ST14: variants seen among roughly 807,000 people sequenced by gnomAD.
The protein encoded by ST14 is suppressor of tumorigenicity 14 protein.
A neutral mutation model predicts 96.5 loss-of-function variants in ST14; 40 were observed. The ratio of observed to expected loss-of-function variants is 0.41; its 90% CI spans 0.32 to 0.54. The LOEUF (loss-of-function observed/expected upper bound fraction) is 0.54. Ranked by LOEUF, ST14 falls within the 20% of genes least tolerant of loss-of-function variation. The pLI is 0.17. For missense variants in ST14, 1,066 were observed against 1,188.9 expected, an observed-to-expected ratio of 0.90 and a Z score of 1.52; for synonymous variants, 506 against 492.1, an observed-to-expected ratio of 1.03 and a Z score of -0.37.
At chr11:130,204,758 G>A (rs1953469952) in intron 16 of ST14, among the ~76,000 whole-genome samples, 1 of 152,122 alleles carries the variant, frequency 6.6e-6, no homozygotes, top group Admixed American at 6.6e-5. Flanking sequence ...AGGTTGTGGT[G>A]AGCCAAGATC....
chr11:130,178,821 A>C (rs1451628927), intron 1 of ST14, among the ~76,000 whole-genome samples: 1 of 152,066 alleles, frequency 6.6e-6, no homozygotes, highest in Non-Finnish European at 1.5e-5. Flanking sequence ...TCAAAGGGAA[A>C]GGTGGGCGGG....
At position 130,200,665 on chromosome 11, in the gene ST14, G is replaced by T. The variant is rs557910249; in HGVS notation, c.1994+528G>T. 4.6e-5 allele frequency among the ~76,000 whole-genome samples: 7 copies of T among 152,306 alleles called. No homozygotes were observed. The South Asian group carries it at 1.2e-3, about 27-fold the overall frequency. ...ACCAAATGAGCAGATATCCCAGGAC[G>T]GGGCTCAATAACAGTAATAATAAAA... On this transcript the variant is annotated intron_variant, in intron 16 of 18. Coordinates refer to ENST00000278742, the MANE Select transcript of ST14 (RefSeq NM_021978.4).
At chr11:130,179,660 C>T (rs1008132726) in intron 1 of ST14, among the ~76,000 whole-genome samples, 11 of 152,142 alleles carry the variant, frequency 7.2e-5, no homozygotes, top group Non-Finnish European at 1.0e-4. Context: ...CCCTCCTAGC[C>T]GGAGACAGGT....
At chr11:130,193,088 A>T (rs1953321038) in intron 7 of ST14, among the ~76,000 whole-genome samples, 1 of 146,618 alleles carries the variant, frequency 6.8e-6, no homozygotes, top group African/African-American at 2.5e-5. Context: ...AAGCACCGAG[A>T]ACCATGCCAG....
intron 1 of ST14, among the ~76,000 whole-genome samples, chr11:130,177,845 G>A (rs1380212276): frequency 3.3e-5 from 5 of 152,370 alleles, no homozygotes; most frequent in East Asian, 1.9e-4. Flanking sequence ...GGAGGCTTTC[G>A]CCTTAGCATC....
At chr11:130,176,733 G>C (rs1390634372) in intron 1 of ST14, among the ~76,000 whole-genome samples, 1 of 149,622 alleles carries the variant, frequency 6.7e-6, no homozygotes, top group African/African-American at 2.5e-5. Flanking sequence ...CCTGTCTGGC[G>C]ATCTGTGAGA....
chr11:130,177,445 C>T (rs1481052659), intron 1 of ST14, among the ~76,000 whole-genome samples: 1 of 152,012 alleles, frequency 6.6e-6, no homozygotes, highest in Non-Finnish European at 1.5e-5. Context: ...TGCCTGTAAT[C>T]CCAGCTACTC....
chr11:130,193,919 A>T (rs1358268638), intron 7 of ST14, among the ~76,000 whole-genome samples: 1 of 152,262 alleles, frequency 6.6e-6, no homozygotes, highest in Non-Finnish European at 1.5e-5. Context: ...GCCTTCCATC[A>T]GTGATTGTGA....
At chr11:130,177,742 T>C (rs943155258) in intron 1 of ST14, among the ~76,000 whole-genome samples, 1 of 152,226 alleles carries the variant, frequency 6.6e-6, no homozygotes, top group African/African-American at 2.4e-5. Flanking sequence ...CTCAGGGAGC[T>C]AGACTTTCAA....
chr11:130,186,060 G>A (rs544478312), intron 1 of ST14, among the ~76,000 whole-genome samples: 11 of 152,080 alleles, frequency 7.2e-5, no homozygotes, highest in Non-Finnish European at 1.5e-4. Context: ...CACCTGCCTC[G>A]GCCTCCCAAA....
At chr11:130,184,057 T>C (rs1385063318) in intron 1 of ST14, among the ~76,000 whole-genome samples, 1 of 152,202 alleles carries the variant, frequency 6.6e-6, no homozygotes, top group Non-Finnish European at 1.5e-5. Context: ...GAATTCCATT[T>C]ACATAAAGCT....
chr11:130,189,590 G>C (rs751496854), intron 4 of ST14, 149 bp from the exon 5 acceptor site: 1 of 1,006,966 alleles, frequency 9.9e-7, no homozygotes, highest in Non-Finnish European at 1.5e-6. Context: ...GGTGGAAAGA[G>C]GGATGACACA....
Position 130,209,115 on chromosome 11 carries a change from A to C in ST14, c.2270-327A>C, listed in dbSNP as rs138251744. On this transcript the variant is annotated intron_variant, in intron 17 of 18. Transcript: ENST00000278742. ...CGTCTTTGGAGAGGAAAGAAAACGA[A>C]CAGGACTTACAGCTCCAATGCCCTC... Among the ~76,000 whole-genome samples, 495 of 152,196 alleles carry C rather than the reference A, an allele frequency of 3.3e-3. 1 individual carries two copies. The highest frequency in any genetic ancestry group is 0.014 in the Middle Eastern group (4 of 294).
At chr11:130,205,222 C>T (rs569668106) in intron 16 of ST14, among the ~76,000 whole-genome samples, 36 of 152,102 alleles carry the variant, frequency 2.4e-4, no homozygotes, top group African/African-American at 8.4e-4. Flanking sequence ...TGCCTCCCGG[C>T]TTCAAGCAAT....
chr11:130,209,468 G>T lies in ST14; in HGVS notation c.2296G>T (p.Gly766Cys), dbSNP rs1286703233. Residue 766 changes from glycine (G) to cysteine (C), a missense_variant, in exon 18 of 19, where the codon GGT (glycine) becomes TGT (cysteine). By Grantham distance (159) the Gly-to-Cys change is radical. Transcript: ENST00000278742. Reference protein sequence around the residue: ...GGTGALILQKGEIRVINQTTC... With the variant: ...GGTGALILQKCEIRVINQTTC... ...CACTGGCGCGCTGATCCTGCAAAAGGGTGAGATCCGCGTCATCAACCAGAC... is the reference window on the plus strand; with the variant it reads ...CACTGGCGCGCTGATCCTGCAAAAGTGTGAGATCCGCGTCATCAACCAGAC... The T allele has an allele frequency of 1.3e-6, 2 of 1,586,378 alleles. No homozygotes were observed. The highest frequency in any genetic ancestry group is 1.7e-6 in the Non-Finnish European group (2 of 1,166,564).
chr11:130,167,843 C>T (rs1159729393), intron 1 of ST14, among the ~76,000 whole-genome samples: 1 of 152,056 alleles, frequency 6.6e-6, no homozygotes, highest in African/African-American at 2.4e-5. Flanking sequence ...GCCTTCCAAG[C>T]AGCTGGAATT....
chr11:130,160,338 C>T (rs1219382488), intron 1 of ST14, among the ~76,000 whole-genome samples: 1 of 152,118 alleles, frequency 6.6e-6, no homozygotes, highest in Non-Finnish European at 1.5e-5. Context: ...AAAAAAGGGG[C>T]TCCGTCTCGG....
Position 130,187,411 on chromosome 11 carries a change from G to A in ST14, c.82-703G>A, listed in dbSNP as rs1055221419. 2.1e-4 allele frequency among the ~76,000 whole-genome samples: 32 copies of A among 152,228 alleles called. No homozygotes were observed. The highest frequency in any genetic ancestry group is 7.7e-4 in the African/African-American group (32 of 41,456). On this transcript the variant is annotated intron_variant, in intron 1 of 18. Transcript: ENST00000278742. The surrounding 1 kb of genome is among the most constrained non-coding windows in gnomAD (Gnocchi z 4.5). The stretch of plus-strand genomic sequence containing the variant: ...TGTCTTTTGGGCGTTTGGTTTGCTT[G>A]CTTTTCCCTCTGTTGGGGCTGCGCG...
In ST14 at chr11:130,209,947, C is replaced by CT; in HGVS notation, c.*125dup. The CT allele has an allele frequency of 2.5e-6, 3 of 1,205,482 alleles. No individual in the cohort carries two copies. Among genetic ancestry groups the CT allele is most frequent in the Admixed American group, 4.4e-5 (2 of 45,014 alleles). The allele number at this position is 1,205,482 out of a possible 1,614,324, so 74.7% of individuals were successfully genotyped here. Reference sequence around the variant, plus strand: ...GCGCCCCCAGAACATACACTGTGAACTCAATCTCCAGGGCTCCAAATCTGC... The same window carrying CT: ...GCGCCCCCAGAACATACACTGTGAACTTCAATCTCCAGGGCTCCAAATCTGC... On this transcript the variant is annotated 3_prime_UTR_variant, in exon 19 of 19. Coordinates refer to ENST00000278742, the MANE Select transcript of ST14 (RefSeq NM_021978.4).
Sources: gnomAD v4.1 joint callset for allele counts (sites outside exome capture counted in the v4.1 genomes callset) on GRCh38, gnomAD v4.1.1 for gene constraint, Gnocchi (gnomAD v3.1) non-coding constraint, MANE v1.5 for transcripts, NCBI Gene and HGNC (gene_info 2026-07-23, HGNC 2026-07-21) for gene names.